The following ARHGAP26 variants were observed in gnomAD, a reference collection of about 807,000 sequenced individuals.
ARHGAP26 encodes Rho GTPase activating protein 26, also known as rho GTPase-activating protein 26.
A neutral mutation model predicts 104.8 loss-of-function variants in ARHGAP26; 38 were observed. That is an observed-to-expected ratio of 0.36 (90% CI 0.28 to 0.48). The LOEUF is 0.48. Among genes scored for constraint, ARHGAP26 ranks in the 20% least tolerant of loss-of-function variants. The pLI is 0.99. For synonymous variants in ARHGAP26, 341 were observed against 340.0 expected (o/e 1.00, Z -0.03); for missense variants, 704 against 947.9 (o/e 0.74, Z 3.38).
intron 22 of ARHGAP26, among the ~76,000 whole-genome samples, chr5:143,221,803 G>A (rs180949172): frequency 4.6e-5 from 7 of 152,172 alleles, no homozygotes; most frequent in East Asian, 3.9e-4. Context: ...CATTACAGGC[G>A]TGAACCACCA....
At chr5:142,822,725 G>A (rs536444533) in intron 1 of ARHGAP26, among the ~76,000 whole-genome samples, 167 of 152,152 alleles carry the variant, frequency 1.1e-3, no homozygotes, top group African/African-American at 3.9e-3. Flanking sequence ...TAAAGCATTC[G>A]AATGGTTGGA....
At chr5:142,987,772 G>T (rs1235718404) in intron 11 of ARHGAP26, among the ~76,000 whole-genome samples, 1 of 152,120 alleles carries the variant, frequency 6.6e-6, no homozygotes, top group Non-Finnish European at 1.5e-5. Context: ...TTTTGTCTTT[G>T]GTTCTGTTTA....
chr5:143,148,713 TC>T (rs1441172543), intron 20 of ARHGAP26, among the ~76,000 whole-genome samples: 4 of 152,176 alleles, frequency 2.6e-5, no homozygotes, highest in African/African-American at 9.7e-5. Flanking sequence ...CTAGGGAGCC[TC>T]CCTGCCTTGA....
intron 20 of ARHGAP26, among the ~76,000 whole-genome samples, chr5:143,160,871 G>T (rs1057296152): frequency 6.6e-6 from 1 of 152,128 alleles, no homozygotes; most frequent in Non-Finnish European, 1.5e-5. Flanking sequence ...GGCTGGCCTC[G>T]CCCAGGGCTC....
intron 17 of ARHGAP26, among the ~76,000 whole-genome samples, chr5:143,116,028 T>C (rs1795392691): frequency 2.0e-5 from 3 of 150,550 alleles, no homozygotes; most frequent in African/African-American, 7.3e-5. Context: ...AATAGAAATA[T>C]CAGAGTGTGT....
chr5:142,831,733 T>A (rs1224286212), intron 1 of ARHGAP26, among the ~76,000 whole-genome samples: 1 of 152,104 alleles, frequency 6.6e-6, no homozygotes, highest in Non-Finnish European at 1.5e-5. Context: ...AGCCCTTCTC[T>A]TACCACCTCC....
intron 9 of ARHGAP26, among the ~76,000 whole-genome samples, chr5:142,909,571 A>G (rs1020166913): frequency 2.0e-5 from 3 of 152,238 alleles, no homozygotes; most frequent in African/African-American, 4.8e-5. Context: ...CCTTCCCTGA[A>G]TCAAAGCAAT....
chr5:143,057,595 T>TTTAGC (rs1786009234), intron 16 of ARHGAP26, 47 bp from the exon 17 acceptor site: 2 of 1,514,042 alleles, frequency 1.3e-6, no homozygotes, highest in East Asian at 4.5e-5. Flanking sequence ...CTTAAAGTTG[T>TTTAGC]TTAGCTGTGA....
At chr5:142,773,725 G>T (rs556408654) in intron 1 of ARHGAP26, among the ~76,000 whole-genome samples, 1 of 152,200 alleles carries the variant, frequency 6.6e-6, no homozygotes, top group South Asian at 2.1e-4. Context: ...GGCTGAATAT[G>T]TCTTGGCTTT....
chr5:143,129,617 A>G (rs1797103832), intron 18 of ARHGAP26, among the ~76,000 whole-genome samples: 1 of 152,252 alleles, frequency 6.6e-6, no homozygotes, highest in East Asian at 1.9e-4. Context: ...TGGACAAATC[A>G]GTGAATCTCA....
chr5:143,168,007 A>G (rs1359950528), intron 20 of ARHGAP26, among the ~76,000 whole-genome samples: 1 of 152,212 alleles, frequency 6.6e-6, no homozygotes, highest in Non-Finnish European at 1.5e-5. Flanking sequence ...CTACAGGATA[A>G]AGTGCTGCTG....
intron 18 of ARHGAP26, among the ~76,000 whole-genome samples, chr5:143,127,502 G>A (rs1355324308): frequency 6.6e-6 from 1 of 152,172 alleles, no homozygotes; most frequent in African/African-American, 2.4e-5. Context: ...AATCCCCAAA[G>A]ATCGGTGCCC....
chr5:143,211,215 G>A (rs1336692240), intron 21 of ARHGAP26, among the ~76,000 whole-genome samples: 2 of 152,120 alleles, frequency 1.3e-5, no homozygotes, highest in African/African-American at 4.8e-5. Context: ...TAAAAATACA[G>A]CAGACCCAGT....
intron 20 of ARHGAP26, among the ~76,000 whole-genome samples, chr5:143,187,635 G>A (rs1226927621): frequency 3.3e-5 from 5 of 152,226 alleles, no homozygotes; most frequent in Non-Finnish European, 5.9e-5. Flanking sequence ...CCAGTTTCCC[G>A]ACGTCAGTTT....
rs1258532943 is a variant in ARHGAP26, at chr5:142,963,163, GGTATATATGTATATATATATATAT to G, written c.1107+31039_1107+31062del. On this transcript the variant is annotated intron_variant, in intron 11 of 22. Coordinates refer to ENST00000645722, the MANE Select transcript of ARHGAP26 (RefSeq NM_001135608.3). The stretch of plus-strand genomic sequence containing the variant: ...TTTTTATGGCTGTGTAGTATTCCAT[GGTATATATGTATATATATATATAT>G]ATATATATATATGTGTGTGTGTGTG... Among the ~76,000 whole-genome samples, 1,033 of 112,206 alleles carry G rather than the reference GGTATATATGTATATATATATATAT, an allele frequency of 9.2e-3. 91 individuals carry two copies. Among genetic ancestry groups the G allele is most frequent in the African/African-American group, 0.04 (930 of 23,028 alleles). The allele number at this position is 112,206 out of a possible 152,430, so 73.6% of individuals were successfully genotyped here. A position where few individuals can be genotyped will look rare whatever the true frequency, so the allele number is the denominator to read the frequency against.
chr5:143,104,485 T>A (rs916603501), intron 17 of ARHGAP26, among the ~76,000 whole-genome samples: 4 of 152,150 alleles, frequency 2.6e-5, no homozygotes, highest in African/African-American at 9.7e-5. Context: ...CACTCCAGTC[T>A]GGGCGAGAGA....
chr5:142,889,950 C>T (rs574810477), intron 5 of ARHGAP26, among the ~76,000 whole-genome samples: 15 of 109,988 alleles, frequency 1.4e-4, no homozygotes, highest in Non-Finnish European at 2.1e-4. Context: ...GCCTGACCAA[C>T]GTGGAGAAAC....
intron 1 of ARHGAP26, among the ~76,000 whole-genome samples, chr5:142,776,451 A>G (rs1339385805): frequency 5.9e-5 from 9 of 152,226 alleles, no homozygotes; most frequent in Non-Finnish European, 1.0e-4. Flanking sequence ...TTCTGTCTCT[A>G]TAGATTTCTC....
intron 11 of ARHGAP26, among the ~76,000 whole-genome samples, chr5:142,966,772 G>A (rs1049780358): frequency 2.0e-5 from 3 of 152,130 alleles, no homozygotes; most frequent in Non-Finnish European, 4.4e-5. Context: ...TGTGCAGAAC[G>A]TGCAGGTTTG....
Sources: allele counts gnomAD v4.1 joint callset (sites outside exome capture counted in the v4.1 genomes callset), GRCh38; gene constraint gnomAD v4.1.1; transcripts MANE v1.5; gene names NCBI Gene and HGNC (gene_info 2026-07-23, HGNC 2026-07-21).